CERK: variants seen among roughly 807,000 people sequenced by gnomAD.
CERK encodes the protein acylsphingosine kinase.
CERK carries 39 observed loss-of-function variants against 63.4 expected under a neutral mutation model. That is an observed-to-expected ratio of 0.61 (90% CI 0.48 to 0.80). The LOEUF (loss-of-function observed/expected upper bound fraction) is 0.80, where lower values mean the gene tolerates loss of function less well. CERK is among the 30% of genes least tolerant of loss of function. CERK has a pLI of 0.00. For synonymous variants in CERK, 302 were observed against 280.0 expected, an observed-to-expected ratio of 1.08 and a Z score of -0.78; for missense variants, 670 against 714.1, an observed-to-expected ratio of 0.94 and a Z score of 0.70.
chr22:46,703,226 G>C (rs1048631943), intron 6 of CERK, among the ~76,000 whole-genome samples: 1 of 152,200 alleles, frequency 6.6e-6, no homozygotes, highest in Non-Finnish European at 1.5e-5. Context: ...TGCTACATCA[G>C]GTCTCAAAGC....
intron 1 of CERK, among the ~76,000 whole-genome samples, chr22:46,729,336 G>A (rs2082934510): frequency 6.6e-6 from 1 of 152,170 alleles, no homozygotes; most frequent in African/African-American, 2.4e-5. Flanking sequence ...TCCAGCCTGG[G>A]AAACAGTGAG....
At chr22:46,691,316 G>A (rs183576146) in intron 11 of CERK, among the ~76,000 whole-genome samples, 4 of 151,978 alleles carry the variant, frequency 2.6e-5, no homozygotes, top group Admixed American at 6.6e-5. Context: ...CGGGTGATCC[G>A]CCTGCCTCAG....
At chr22:46,734,531 C>T (rs1013467558) in intron 1 of CERK, among the ~76,000 whole-genome samples, 1 of 152,178 alleles carries the variant, frequency 6.6e-6, no homozygotes, top group Non-Finnish European at 1.5e-5. Context: ...CAGCCCAGGG[C>T]CCAGGAGAAG....
At chr22:46,698,913 A>T (rs4823871) in intron 8 of CERK, among the ~76,000 whole-genome samples, 55,996 of 151,734 alleles carry the variant, frequency 0.37, 11,098 homozygotes, top group Non-Finnish European at 0.45. Context: ...AAAAATTTTT[A>T]AAAAATATAT....
chr22:46,722,316 G>A (rs1022365252), intron 1 of CERK, among the ~76,000 whole-genome samples: 6 of 152,178 alleles, frequency 3.9e-5, no homozygotes, highest in Non-Finnish European at 7.3e-5. Context: ...CTGGGCCTTT[G>A]AGCACTGTAG....
In CERK at chr22:46,690,103, T is replaced by G; in HGVS notation, c.1430A>C (p.Lys477Thr). Residue 477 changes from lysine to threonine, a missense_variant, in exon 12 of 13, where the codon AAG (lysine) becomes ACG (threonine). Physicochemically the swap from Lys to Thr is moderately conservative, Grantham distance 78 (BLOSUM62 -1). Transcript: ENST00000216264. ...GCTGCAAATGTGCCCAAAGCGCTTC[T>G]TCCCCCCCTCCTTGAGGTCGCTGTC... ...DEDSDLKEGG[K>T]KRFGHICSSH... The G allele has an allele frequency of 3.7e-6, 6 of 1,614,068 alleles. No homozygotes were observed. The highest frequency in any genetic ancestry group is 5.1e-6 in the Non-Finnish European group (6 of 1,180,002).
chr22:46,691,441 A>C (rs2082731014), intron 11 of CERK, 131 bp downstream of exon 11: 1 of 739,146 alleles, frequency 1.4e-6, no homozygotes, highest in Admixed American at 3.0e-5. Flanking sequence ...AAGTTTGTGA[A>C]ATTAAAAAAA....
At chr22:46,728,465 T>A (rs2082930553) in intron 1 of CERK, among the ~76,000 whole-genome samples, 1 of 152,072 alleles carries the variant, frequency 6.6e-6, no homozygotes, top group South Asian at 2.1e-4. Context: ...TGAGCTCAGC[T>A]CTAAGTCCCA....
In CERK at chr22:46,685,081, G is replaced by GA. The variant is rs1425327991; in HGVS notation, c.*2052_*2053insT. On this transcript the variant is annotated 3_prime_UTR_variant, in exon 13 of 13. Transcript: ENST00000216264. Reference sequence around the variant, plus strand: ...TGGGAAACTTTTTTTTTTGTTGGGGGGGGCGATGGAGTCTCCCTCTGTTTG... The same window carrying GA: ...TGGGAAACTTTTTTTTTTGTTGGGGGAGGGCGATGGAGTCTCCCTCTGTTTG... 1.5e-5 allele frequency: 2 copies of GA among 137,428 alleles called. No homozygotes were observed. Among genetic ancestry groups the GA allele is most frequent in the Non-Finnish European group, 3.1e-5 (2 of 64,896 alleles). 8.5% of individuals were successfully genotyped at this position (137,428 alleles called of 1,614,324 possible). A position where few individuals can be genotyped will look rare whatever the true frequency, so the allele number is the denominator to read the frequency against.
At chr22:46,713,176 A>G (rs59679845) in intron 3 of CERK, among the ~76,000 whole-genome samples, 111,022 of 151,938 alleles carry the variant, frequency 0.73, 40,861 homozygotes, top group Non-Finnish European at 0.77. Flanking sequence ...GACAGTATCT[A>G]CCCAAGGAAA....
intron 12 of CERK, among the ~76,000 whole-genome samples, chr22:46,687,644 G>A (rs934870491): frequency 4.6e-5 from 7 of 151,408 alleles, no homozygotes; most frequent in Non-Finnish European, 1.0e-4. Context: ...AGGAGTCTGT[G>A]CGGGGCGACT....
At chr22:46,724,231 G>A (rs941200101) in intron 1 of CERK, among the ~76,000 whole-genome samples, 34 of 151,898 alleles carry the variant, frequency 2.2e-4, no homozygotes, top group Non-Finnish European at 8.8e-5. Flanking sequence ...TCTTAACCAC[G>A]TTTTCTTTTC....
intron 3 of CERK, 61 bp from the exon 4 acceptor site, chr22:46,712,354 T>TTAC: frequency 1.3e-6 from 2 of 1,513,810 alleles, no homozygotes; most frequent in East Asian, 2.3e-5. Flanking sequence ...AAGAGCTCTG[T>TTAC]TACTGGACAA....
chr22:46,693,496 C>A lies in CERK; in HGVS notation c.1057G>T (p.Val353Phe). 1 of 1,613,982 alleles carries A rather than the reference C, an allele frequency of 6.2e-7. No individual in the cohort carries two copies. The highest frequency in any genetic ancestry group is 8.5e-7 in the Non-Finnish European group (1 of 1,179,876). The change falls in exon 10 of 13, where the codon GTT becomes TTT. Residue 353 changes from valine to phenylalanine, a missense_variant. Val to Phe is a conservative substitution (Grantham distance 50). Coordinates refer to ENST00000216264, the MANE Select transcript of CERK (RefSeq NM_022766.6). ...AGCTGCTGCTTGCTTTGCCTGCAAA[C>A]AAAGCATCTGAAAGACAAGAATATC... is the stretch of plus-strand genomic sequence containing the variant. ...DRKPCRAGCF[V>F]CRQSKQQLEE...
At chr22:46,722,552 C>T (rs2082897555) in intron 1 of CERK, among the ~76,000 whole-genome samples, 1 of 147,004 alleles carries the variant, frequency 6.8e-6, no homozygotes, top group Non-Finnish European at 1.5e-5. Context: ...CCTGGGCCTC[C>T]CATCTTTTTT....
intron 3 of CERK, among the ~76,000 whole-genome samples, chr22:46,718,909 A>G (rs2146578641): frequency 6.6e-6 from 1 of 152,192 alleles, no homozygotes; most frequent in Non-Finnish European, 1.5e-5. Context: ...CCCTGTCTGT[A>G]CAAAAAAAAT....
At chr22:46,707,765 T>C (rs1228276449) in intron 6 of CERK, 78 bp downstream of exon 6, 3 of 1,489,920 alleles carry the variant, frequency 2.0e-6, no homozygotes, top group Admixed American at 4.0e-5. Context: ...TTATTAAGTG[T>C]CCGAGGTGGC....
At chr22:46,704,260 G>A (rs915656168) in intron 6 of CERK, among the ~76,000 whole-genome samples, 7 of 152,218 alleles carry the variant, frequency 4.6e-5, no homozygotes, top group African/African-American at 1.4e-4. Context: ...GCACTCCTGA[G>A]CCGCAGGTCT....
chr22:46,693,404 T>C (rs752669065), intron 10 of CERK, 23 bp downstream of exon 10: 1 of 1,601,166 alleles, frequency 6.2e-7, no homozygotes, highest in East Asian at 2.2e-5. Flanking sequence ...GTGACAACAC[T>C]GAGCCTGTGT....
Sources: gnomAD v4.1 joint callset for allele counts (sites outside exome capture counted in the v4.1 genomes callset) on GRCh38, gnomAD v4.1.1 for gene constraint, MANE v1.5 for transcripts, NCBI Gene and HGNC (gene_info 2026-07-23, HGNC 2026-07-21) for gene names.